Variants in ANKH observed in about 807,000 individuals in gnomAD.
ANKH encodes the protein mineralization regulator ANKH.
A neutral mutation model predicts 49.0 loss-of-function variants in ANKH; 15 were observed. The ratio of observed to expected loss-of-function variants is 0.31; its 90% CI spans 0.20 to 0.47. ANKH has a LOEUF of 0.47. Ranked by LOEUF, ANKH falls within the 20% of genes least tolerant of loss-of-function variation. The pLI is 1.00. For synonymous variants in ANKH, 273 were observed against 260.0 expected (o/e 1.05, Z -0.48); for missense variants, 429 against 652.0 (o/e 0.66, Z 3.72).
At chr5:14,757,414 A>T (rs544234448) in intron 3 of ANKH, among the ~76,000 whole-genome samples, 172 of 91,580 alleles carry the variant, frequency 1.9e-3, no homozygotes, top group African/African-American at 7.5e-3. Context: ...TTATTGGAAC[A>T]TATATATATA....
intron 8 of ANKH, 45 bp from the exon 9 acceptor site, chr5:14,716,880 G>A: frequency 6.2e-7 from 1 of 1,609,816 alleles, no homozygotes; most frequent in Non-Finnish European, 8.5e-7. Flanking sequence ...AAAAGTGTAA[G>A]CAGGTGAAAT....
At position 14,809,920 on chromosome 5, in the gene ANKH, T is replaced by C. The variant is rs1327578338; in HGVS notation, c.97-40729A>G. Among the ~76,000 whole-genome samples, 5 of 152,108 alleles carry C rather than the reference T, an allele frequency of 3.3e-5. No homozygotes were observed. In the East Asian group the frequency reaches 9.8e-4, roughly 30 times the overall value. On this transcript the variant is annotated intron_variant, in intron 1 of 11. Coordinates refer to ENST00000284268, the MANE Select transcript of ANKH (RefSeq NM_054027.6). ...GAATGAAGATCTGAAACCCAGATTT[T>C]GCTCACAAAGGAGCCTACACAGGAA...
In ANKH at chr5:14,712,951, C is replaced by T. The variant is rs765980271; in HGVS notation, c.1288G>A (p.Val430Met). The change falls in exon 11 of 12, where the codon GTG becomes ATG. Residue 430 changes from valine (V) to methionine (M), a missense_variant. Physicochemically the swap from Val to Met is conservative, Grantham distance 21. Transcript: ENST00000284268. ...ACAAAGCCCGCCAGGAGGGAGCCCA[C>T]GCCCAGGGTCGCACCGTGCACCCTG... The part of the protein sequence containing the change: ...YLGVHGATLG[V>M]GSLLAGFVGE... 2.2e-5 allele frequency: 35 copies of T among 1,613,184 alleles called. No homozygotes were observed. Among genetic ancestry groups the T allele is most frequent in the Non-Finnish European group, 2.6e-5 (31 of 1,179,820 alleles).
At chr5:14,803,237 C>T (rs1740615146) in intron 1 of ANKH, among the ~76,000 whole-genome samples, 1 of 152,090 alleles carries the variant, frequency 6.6e-6, no homozygotes, top group South Asian at 2.1e-4. Context: ...AGGCCATGGA[C>T]TTCTCTAAAG....
chr5:14,856,612 C>A (rs973767226), intron 1 of ANKH, among the ~76,000 whole-genome samples: 1 of 102,514 alleles, frequency 9.8e-6, no homozygotes, highest in Admixed American at 1.1e-4. Context: ...TGAAGATGAA[C>A]CATTTCCCCT....
intron 1 of ANKH, among the ~76,000 whole-genome samples, chr5:14,853,196 C>T (rs576650149): frequency 5.3e-5 from 8 of 152,196 alleles, no homozygotes; most frequent in Admixed American, 1.3e-4. Flanking sequence ...TTCAATCATA[C>T]GCTTTTCCCA....
chr5:14,751,344 A>G (rs1224250077), intron 4 of ANKH, 105 bp from the exon 5 acceptor site: 1 of 1,228,878 alleles, frequency 8.1e-7, no homozygotes, highest in Non-Finnish European at 1.2e-6. Flanking sequence ...CTGAGCAAAG[A>G]TCTTGACTTT....
chr5:14,784,815 C>A (rs1253580603), intron 1 of ANKH, among the ~76,000 whole-genome samples: 2 of 152,182 alleles, frequency 1.3e-5, no homozygotes, highest in Non-Finnish European at 2.9e-5. Flanking sequence ...CTCTTCTCTG[C>A]CTTCTAATTC....
Position 14,761,636 on chromosome 5 carries a change from G to A in ANKH, c.314-3038C>T, listed in dbSNP as rs562921152. Among the ~76,000 whole-genome samples, 13 of 152,230 alleles carry A rather than the reference G, an allele frequency of 8.5e-5. No homozygotes were observed. In the East Asian group the frequency reaches 1.2e-3, roughly 14 times the overall value. ...GAAGCCACTTGCTATGTGCGCTCCA[G>A]ATGAACTGATGCCAAGTAGCCATAA... On this transcript the variant is annotated intron_variant, in intron 2 of 11. Coordinates refer to ENST00000284268, the MANE Select transcript of ANKH (RefSeq NM_054027.6).
At chr5:14,817,491 G>A (rs1741075016) in intron 1 of ANKH, among the ~76,000 whole-genome samples, 2 of 152,150 alleles carry the variant, frequency 1.3e-5, no homozygotes, top group Non-Finnish European at 2.9e-5. Flanking sequence ...CATGTTAAAT[G>A]AATCTTCTCC....
chr5:14,768,516 G>C (rs990457358), intron 2 of ANKH: 5 of 210,370 alleles, frequency 2.4e-5, no homozygotes, highest in African/African-American at 1.2e-4. Context: ...ATTTAGTCTT[G>C]TCTTTGAATA....
intron 1 of ANKH, among the ~76,000 whole-genome samples, chr5:14,786,045 CAAAAAAA>C (rs71603742): frequency 1.0e-4 from 7 of 67,220 alleles, no homozygotes; most frequent in East Asian, 5.0e-4. Flanking sequence ...GACTCTGTCT[CAAAAAAA>C]AAAAAAAAAA....
intron 8 of ANKH, among the ~76,000 whole-genome samples, chr5:14,718,091 A>G (rs187252368): frequency 6.6e-6 from 1 of 152,308 alleles, no homozygotes; most frequent in East Asian, 1.9e-4. Context: ...GACCAGCCCA[A>G]GAGAAAAGAC....
chr5:14,816,241 A>C (rs1741033006), intron 1 of ANKH, among the ~76,000 whole-genome samples: 1 of 152,222 alleles, frequency 6.6e-6, no homozygotes, highest in Non-Finnish European at 1.5e-5. Context: ...AGGACACCTG[A>C]GCATCACCTT....
chr5:14,745,892 G>A lies in ANKH; in HGVS notation c.893C>T (p.Ala298Val). 1 of 1,614,206 alleles carries A rather than the reference G, an allele frequency of 6.2e-7. No homozygotes were observed. The highest frequency in any genetic ancestry group is 8.5e-7 in the Non-Finnish European group (1 of 1,180,036). ...CACCTTGTCGAAAGCAGGATACACAGCACGGATTTCCGTCAACCAGCCGTA... is the reference window on the plus strand; with the variant it reads ...CACCTTGTCGAAAGCAGGATACACAACACGGATTTCCGTCAACCAGCCGTA... Reference protein sequence around the residue: ...MPYGWLTEIRAVYPAFDKNNP... With the variant: ...MPYGWLTEIRVVYPAFDKNNP... The change falls in exon 7 of 12, where the codon GCT becomes GTT. Residue 298 changes from alanine (A) to valine (V), a missense_variant. By Grantham distance (64) the Ala-to-Val change is moderately conservative. Transcript: ENST00000284268. The surrounding 1 kb of genome is among the most constrained non-coding windows in gnomAD (Gnocchi z 4.7).
intron 1 of ANKH, among the ~76,000 whole-genome samples, chr5:14,810,826 G>T (rs1236863511): frequency 6.6e-6 from 1 of 152,156 alleles, no homozygotes; most frequent in African/African-American, 2.4e-5. Context: ...GACTCAGTAT[G>T]AGATCAAACC....
chr5:14,790,534 A>T (rs2126543021), intron 1 of ANKH, among the ~76,000 whole-genome samples: 1 of 152,366 alleles, frequency 6.6e-6, no homozygotes, highest in African/African-American at 2.4e-5. Flanking sequence ...GACTCAAATC[A>T]CTTATTCACT....
chr5:14,804,373 G>C (rs755115261), intron 1 of ANKH, among the ~76,000 whole-genome samples: 3 of 152,194 alleles, frequency 2.0e-5, no homozygotes, highest in African/African-American at 7.2e-5. Flanking sequence ...GTGTCCCTCA[G>C]TTGACAACTG....
intron 1 of ANKH, among the ~76,000 whole-genome samples, chr5:14,848,414 C>CTT (rs33935567): frequency 0.62 from 93,838 of 151,870 alleles, 29,415 homozygotes; most frequent in East Asian, 0.84. Flanking sequence ...TGGCAATCCT[C>CTT]TGGGTCCCCT....
Sources: allele counts gnomAD v4.1 joint callset (sites outside exome capture counted in the v4.1 genomes callset), GRCh38; gene constraint gnomAD v4.1.1; non-coding constraint Gnocchi (gnomAD v3.1); transcripts MANE v1.5; gene names NCBI Gene and HGNC (gene_info 2026-07-23, HGNC 2026-07-21).